The following MYO16 variants were observed in gnomAD, a reference collection of about 807,000 sequenced individuals.
The protein encoded by MYO16 is myosin XVI.
In MYO16, 94 loss-of-function variants were observed where a neutral mutation model predicts 205.3. That is an observed-to-expected ratio of 0.46 (90% CI 0.39 to 0.54). MYO16 has a LOEUF of 0.54. Ranked by LOEUF, MYO16 falls within the 20% of genes least tolerant of loss-of-function variation. The pLI is 0.00. For missense variants in MYO16, 2,315 were observed against 2,387.5 expected, an observed-to-expected ratio of 0.97 and a Z score of 0.63; for synonymous variants, 988 against 954.0, an observed-to-expected ratio of 1.04 and a Z score of -0.66.
chr13:108,861,025 C>T (rs1303940870), intron 11 of MYO16, among the ~76,000 whole-genome samples: 1 of 152,100 alleles, frequency 6.6e-6, no homozygotes, highest in Non-Finnish European at 1.5e-5. Context: ...TTCTTATTTA[C>T]TTGGGTATAG....
intron 4 of MYO16, among the ~76,000 whole-genome samples, chr13:108,759,476 A>G (rs556254217): frequency 7.2e-4 from 109 of 152,356 alleles, no homozygotes; most frequent in Non-Finnish European, 1.3e-3. Context: ...TCTTTGAGAT[A>G]GGAAATGAGA....
chr13:108,851,763 A>T (rs1172760763), intron 10 of MYO16, among the ~76,000 whole-genome samples: 2 of 151,702 alleles, frequency 1.3e-5, no homozygotes, highest in Non-Finnish European at 2.9e-5. Flanking sequence ...TGGTCTCACC[A>T]CTCCCGCCTT....
chr13:108,750,315 A>G (rs1885191430), intron 4 of MYO16, among the ~76,000 whole-genome samples: 1 of 152,242 alleles, frequency 6.6e-6, no homozygotes, highest in African/African-American at 2.4e-5. Context: ...GAATTTGACA[A>G]GATAATTTAA....
chr13:108,691,992 G>A (rs1882915705), intron 2 of MYO16, among the ~76,000 whole-genome samples: 1 of 152,128 alleles, frequency 6.6e-6, no homozygotes, highest in Non-Finnish European at 1.5e-5. Flanking sequence ...CAAAGCAGAT[G>A]CATTTTTACT....
chr13:108,507,241 T>C, the MYO16 span, among the ~76,000 whole-genome samples: 1 of 152,150 alleles, frequency 6.6e-6, no homozygotes, highest in Non-Finnish European at 1.5e-5. Flanking sequence ...CAGGCTTTCG[T>C]ATTGCTATCT....
chr13:108,996,842 T>C (rs901697557), intron 21 of MYO16, among the ~76,000 whole-genome samples: 1 of 152,162 alleles, frequency 6.6e-6, no homozygotes, highest in Non-Finnish European at 1.5e-5. Context: ...CATGTTATTA[T>C]AGAGCTCTGC....
chr13:108,695,736 C>T, intron 2 of MYO16, among the ~76,000 whole-genome samples: 1 of 152,062 alleles, frequency 6.6e-6, no homozygotes, highest in East Asian at 1.9e-4. Context: ...TTTATATTCA[C>T]TTGGTATAAA....
chr13:108,674,723 T>C (rs1418207679), intron 2 of MYO16, among the ~76,000 whole-genome samples: 4 of 152,216 alleles, frequency 2.6e-5, no homozygotes, highest in Non-Finnish European at 5.9e-5. Context: ...TTAAGTACTC[T>C]GCAAGGATGA....
chr13:108,762,831 C>T (rs972917006), intron 4 of MYO16, among the ~76,000 whole-genome samples: 5 of 152,136 alleles, frequency 3.3e-5, no homozygotes, highest in Admixed American at 6.5e-5. Context: ...GAAGAGCCTA[C>T]GTCTTAACCT....
chr13:108,658,337 G>C (rs369399348), intron 1 of MYO16, among the ~76,000 whole-genome samples: 1 of 151,506 alleles, frequency 6.6e-6, no homozygotes, highest in Admixed American at 6.6e-5. Flanking sequence ...AATTTCTCAC[G>C]TCTTTCTTCA....
chr13:108,984,649 A>T (rs1411472443), intron 20 of MYO16, among the ~76,000 whole-genome samples: 1 of 152,160 alleles, frequency 6.6e-6, no homozygotes, highest in African/African-American at 2.4e-5. Flanking sequence ...AGACCCATGT[A>T]CTTGGGTTTC....
intron 15 of MYO16, among the ~76,000 whole-genome samples, chr13:108,898,359 T>TGTGTGTGTGTGC (rs1224178969): frequency 6.0e-5 from 8 of 133,670 alleles, no homozygotes; most frequent in Admixed American, 1.5e-4. Context: ...TGAGTGTGTG[T>TGTGTGTGTGTGC]GTGTGTGTGT....
chr13:109,079,189 A>G (rs1047404604), intron 27 of MYO16, among the ~76,000 whole-genome samples: 1 of 152,068 alleles, frequency 6.6e-6, no homozygotes, highest in African/African-American at 2.4e-5. Flanking sequence ...TTAGGGATTA[A>G]TTCATTTGTT....
At chr13:108,541,314 TATAG>T in the MYO16 span, among the ~76,000 whole-genome samples, 2 of 151,538 alleles carry the variant, frequency 1.3e-5, no homozygotes, top group Non-Finnish European at 2.9e-5. Flanking sequence ...ATCTATATTA[TATAG>T]ATACATGTAT....
chr13:108,900,406 C>A (rs1880651017), intron 15 of MYO16, among the ~76,000 whole-genome samples: 1 of 152,114 alleles, frequency 6.6e-6, no homozygotes, highest in Non-Finnish European at 1.5e-5. Flanking sequence ...GGGCCTGGAG[C>A]AGTTCAATGT....
At chr13:108,778,085 C>T (rs71201259) in intron 4 of MYO16, among the ~76,000 whole-genome samples, 12,222 of 152,242 alleles carry the variant, frequency 0.08, 630 homozygotes, top group Non-Finnish European at 0.12. Context: ...CGGCCTCCTG[C>T]AGAGTCCTAA....
intron 9 of MYO16, among the ~76,000 whole-genome samples, chr13:108,837,636 A>G (rs996089013): frequency 6.6e-6 from 1 of 152,202 alleles, no homozygotes; most frequent in Non-Finnish European, 1.5e-5. Context: ...TTAAAGGTTC[A>G]GGTGGTAGCC....
chr13:108,883,333 G>A (rs367703757), intron 13 of MYO16, 147 bp downstream of exon 13: 17 of 1,023,970 alleles, frequency 1.7e-5, no homozygotes, highest in East Asian at 1.5e-4. Flanking sequence ...CATTTGACTC[G>A]TTACAAAGGA....
chr13:108,680,400 T>A (rs1357950388), intron 2 of MYO16, among the ~76,000 whole-genome samples: 1 of 152,362 alleles, frequency 6.6e-6, no homozygotes, highest in African/African-American at 2.4e-5. Flanking sequence ...TTTCCATTCA[T>A]CTTATTGAAT....
Sources: gnomAD v4.1 joint callset for allele counts (sites outside exome capture counted in the v4.1 genomes callset) on GRCh38, gnomAD v4.1.1 for gene constraint, MANE v1.5 for transcripts, NCBI Gene and HGNC (gene_info 2026-07-23, HGNC 2026-07-21) for gene names.